MGLL: variants seen among roughly 807,000 people sequenced by gnomAD.
The protein encoded by MGLL is monoglyceride lipase, also known as lysophospholipase homolog.
MGLL carries 7 observed loss-of-function variants against 29.1 expected under a neutral mutation model. The ratio of observed to expected loss-of-function variants is 0.24; its 90% CI spans 0.14 to 0.45. MGLL has a LOEUF of 0.45. MGLL is among the 20% of genes least tolerant of loss of function. The pLI is 0.99. For synonymous variants in MGLL, 148 were observed against 168.3 expected (o/e 0.88, Z 0.93); for missense variants, 356 against 413.6 (o/e 0.86, Z 1.21).
At chr3:127,753,750 A>G (rs1490050095) in intron 3 of MGLL, among the ~76,000 whole-genome samples, 1 of 152,244 alleles carries the variant, frequency 6.6e-6, no homozygotes, top group Non-Finnish European at 1.5e-5. Context: ...TTCCATCTAC[A>G]AATGTTCCTT....
chr3:127,696,264 C>A (rs1373500559), intron 6 of MGLL, among the ~76,000 whole-genome samples: 4 of 152,114 alleles, frequency 2.6e-5, no homozygotes, highest in African/African-American at 9.7e-5. Flanking sequence ...TCTGGCTTCA[C>A]TCTTCCTGCC....
At chr3:127,787,078 G>A (rs569494073) in intron 2 of MGLL, among the ~76,000 whole-genome samples, 19 of 152,326 alleles carry the variant, frequency 1.2e-4, no homozygotes, top group African/African-American at 4.1e-4. Flanking sequence ...GCTCAGGATC[G>A]AGGCTTCTGC....
Position 127,783,705 on chromosome 3 carries a change from C to T in MGLL, c.156-1810G>A, listed in dbSNP as rs182798390. 25 of 152,404 alleles carry T rather than the reference C, an allele frequency of 1.6e-4. No individual in the cohort carries two copies. The East Asian group carries it at 4.2e-3, about 26-fold the overall frequency. 9.4% of individuals were successfully genotyped at this position (152,404 alleles called of 1,614,324 possible). On this transcript the variant is annotated intron_variant, in intron 2 of 7. Coordinates refer to ENST00000265052, the MANE Select transcript of MGLL (RefSeq NM_007283.7). ...CCTAAAGAAGCCAGAGGAATTTTCA[C>T]ACCCTCTTCACTGCTCCATGGAATG...
chr3:127,692,116 GGC>G lies in MGLL; in HGVS notation c.*80_*81del, dbSNP rs2075258178. The G allele has an allele frequency of 8.8e-5, 47 of 531,342 alleles. 2 individuals carry two copies. Among genetic ancestry groups the G allele is most frequent in the Non-Finnish European group, 8.7e-5 (30 of 345,618 alleles). 32.9% of individuals were successfully genotyped at this position (531,342 alleles called of 1,614,324 possible). The stretch of plus-strand genomic sequence containing the variant: ...CTGATTTTTTTTTTTTTTTTTTTTT[GGC>G]AAGCCATATCTGAGAAGCCATCTCT... On this transcript the variant is annotated 3_prime_UTR_variant, in exon 8 of 8. Transcript: ENST00000265052.
intron 3 of MGLL, among the ~76,000 whole-genome samples, chr3:127,770,837 T>C (rs572818871): frequency 1.3e-5 from 2 of 151,832 alleles, no homozygotes; most frequent in Admixed American, 6.6e-5. Flanking sequence ...CAAGGGTGAG[T>C]GCCAAGGGTC....
At chr3:127,816,933 C>T (rs549102139) in intron 2 of MGLL, among the ~76,000 whole-genome samples, 2 of 152,362 alleles carry the variant, frequency 1.3e-5, no homozygotes, top group East Asian at 3.9e-4. Flanking sequence ...CATCCACGGC[C>T]TGTGTTCCCC....
chr3:127,731,705 CAAT>C (rs1316954517), intron 3 of MGLL, among the ~76,000 whole-genome samples: 3 of 152,206 alleles, frequency 2.0e-5, no homozygotes, highest in African/African-American at 7.2e-5. Context: ...TCGGAAGCCA[CAAT>C]AAAAGCCCCG....
chr3:127,730,674 C>A (rs1290495422), intron 3 of MGLL, among the ~76,000 whole-genome samples: 1 of 152,202 alleles, frequency 6.6e-6, no homozygotes, highest in Non-Finnish European at 1.5e-5. Context: ...AACCCTGAAG[C>A]ACTTCTTGCC....
chr3:127,742,329 C>T (rs1273882362), intron 3 of MGLL, among the ~76,000 whole-genome samples: 3 of 152,106 alleles, frequency 2.0e-5, no homozygotes, highest in Non-Finnish European at 4.4e-5. Context: ...GTGGCTCATG[C>T]CTGTAACCTC....
chr3:127,694,402 T>C (rs1242774620), intron 7 of MGLL, among the ~76,000 whole-genome samples: 3 of 150,070 alleles, frequency 2.0e-5, no homozygotes, highest in African/African-American at 7.4e-5. Context: ...TATATGTATG[T>C]GTGTATATAT....
intron 3 of MGLL, among the ~76,000 whole-genome samples, chr3:127,763,326 G>C (rs553208571): frequency 3.3e-5 from 5 of 152,192 alleles, no homozygotes; most frequent in African/African-American, 4.8e-5. Context: ...AGACCGAAAC[G>C]GCTTCTTCTG....
intron 3 of MGLL, among the ~76,000 whole-genome samples, chr3:127,727,219 A>G (rs1372082117): frequency 6.6e-6 from 1 of 152,104 alleles, no homozygotes; most frequent in Non-Finnish European, 1.5e-5. Flanking sequence ...GGAATTAACC[A>G]TTTCTCCAGG....
chr3:127,806,470 T>G (rs1361811541), intron 2 of MGLL, among the ~76,000 whole-genome samples: 2 of 151,374 alleles, frequency 1.3e-5, no homozygotes, highest in Non-Finnish European at 2.9e-5. Context: ...GATGAATGGG[T>G]GGCTGGGTGG....
chr3:127,692,647 G>A (rs922189047), intron 7 of MGLL, among the ~76,000 whole-genome samples: 1 of 152,022 alleles, frequency 6.6e-6, no homozygotes, highest in Non-Finnish European at 1.5e-5. Flanking sequence ...TTCCACTCCC[G>A]GCCTCACATC....
At chr3:127,744,401 T>C (rs1013653606) in intron 3 of MGLL, among the ~76,000 whole-genome samples, 6 of 152,220 alleles carry the variant, frequency 3.9e-5, no homozygotes, top group African/African-American at 4.8e-5. Flanking sequence ...TCCGTGGGGT[T>C]AGCGATCACA....
chr3:127,747,214 C>T (rs965769949), intron 3 of MGLL, among the ~76,000 whole-genome samples: 6 of 152,154 alleles, frequency 3.9e-5, no homozygotes, highest in Admixed American at 1.3e-4. Flanking sequence ...CCAAGGCCAC[C>T]ATCCCAGGCC....
intron 3 of MGLL, among the ~76,000 whole-genome samples, chr3:127,750,356 G>C (rs899665633): frequency 9.8e-5 from 15 of 152,324 alleles, no homozygotes; most frequent in African/African-American, 3.4e-4. Context: ...GCCTCGGGCA[G>C]GCCACGTGCC....
intron 6 of MGLL, among the ~76,000 whole-genome samples, chr3:127,706,508 G>A (rs1435692322): frequency 6.6e-6 from 1 of 152,204 alleles, no homozygotes; most frequent in East Asian, 1.9e-4. Context: ...CTGGGAGCGG[G>A]TCCAGAGCTG....
At chr3:127,797,696 C>T (rs145666531) in intron 2 of MGLL, among the ~76,000 whole-genome samples, 2,834 of 152,314 alleles carry the variant, frequency 0.019, 83 homozygotes, top group African/African-American at 0.065. Flanking sequence ...CAGCCTCAAA[C>T]TCCCGGGCTC....
Sources: allele counts gnomAD v4.1 joint callset (sites outside exome capture counted in the v4.1 genomes callset), GRCh38; gene constraint gnomAD v4.1.1; transcripts MANE v1.5; gene names NCBI Gene and HGNC (gene_info 2026-07-23, HGNC 2026-07-21).